Variants in OCIAD1 observed in about 807,000 individuals in gnomAD.
The protein encoded by OCIAD1 is OCIA domain containing 1.
OCIAD1 carries 29 observed loss-of-function variants against 38.9 expected under a neutral mutation model. The ratio of observed to expected loss-of-function variants is 0.74; its 90% CI spans 0.55 to 1.02. The LOEUF (loss-of-function observed/expected upper bound fraction) is 1.02. OCIAD1 is among the 50% of genes least tolerant of loss of function. The pLI is 0.00. For missense variants in OCIAD1, 288 were observed against 289.6 expected (o/e 0.99, Z 0.04); for synonymous variants, 110 against 92.0 (o/e 1.20, Z -1.12).
At chr4:48,848,478 CTT>C in intron 5 of OCIAD1, 32 bp downstream of exon 5, 1 of 1,051,878 alleles carries the variant, frequency 9.5e-7, no homozygotes, top group Non-Finnish European at 1.4e-6. Flanking sequence ...GTTTTCATAG[CTT>C]TTTAAAACTT....
chr4:48,848,874 T>C (rs1458080578), intron 5 of OCIAD1, among the ~76,000 whole-genome samples: 1 of 152,158 alleles, frequency 6.6e-6, no homozygotes, highest in Non-Finnish European at 1.5e-5. Context: ...CATTGCAATA[T>C]AGTTAATAGA....
At chr4:48,851,484 T>TG (rs1779459104) in intron 6 of OCIAD1, among the ~76,000 whole-genome samples, 1 of 152,078 alleles carries the variant, frequency 6.6e-6, no homozygotes, top group African/African-American at 2.4e-5. Flanking sequence ...GCCCAGTAGT[T>TG]TGAGACCAGC....
chr4:48,830,572 T>G (rs1370406039), upstream of OCIAD1: 1 of 152,208 alleles, frequency 6.6e-6, no homozygotes, highest in African/African-American at 2.4e-5. Flanking sequence ...AATTCCACTT[T>G]TCAGGTGAGA....
Position 48,851,808 on chromosome 4 carries a change from A to C in OCIAD1, c.380A>C (p.His127Pro). ...TACAATATGATTTTCATTTACAGGCACTATTATCAAAAGTCAAAATATGAC... is the reference window on the plus strand; with the variant it reads ...TACAATATGATTTTCATTTACAGGCCCTATTATCAAAAGTCAAAATATGAC... ...GQARRSSPPG[H>P]YYQKSKYDSS... Residue 127 changes from histidine (H) to proline (P), a missense_variant and splice_region_variant, in exon 7 of 9, where the codon CAC (histidine) becomes CCC (proline). Coordinates refer to ENST00000264312, the MANE Select transcript of OCIAD1 (RefSeq NM_017830.4). The C allele has an allele frequency of 6.3e-7, 1 of 1,579,806 alleles. No individual in the cohort carries two copies. The highest frequency in any genetic ancestry group is 8.7e-7 in the Non-Finnish European group (1 of 1,149,530).
chr4:48,845,151 A>C (rs1473746505), intron 4 of OCIAD1, among the ~76,000 whole-genome samples: 2 of 152,162 alleles, frequency 1.3e-5, no homozygotes, highest in Non-Finnish European at 2.9e-5. Flanking sequence ...GAACATTAAA[A>C]AGAAAAAAAA....
At chr4:48,856,810 C>A (rs1780081722) in intron 7 of OCIAD1, 2 of 152,350 alleles carry the variant, frequency 1.3e-5, no homozygotes, top group Non-Finnish European at 2.9e-5. Flanking sequence ...AAAATCTATG[C>A]TATGTCAAGT....
intron 1 of OCIAD1, among the ~76,000 whole-genome samples, chr4:48,809,945 C>T (rs1391881637): frequency 6.6e-6 from 1 of 152,130 alleles, no homozygotes. Flanking sequence ...GATTTGAATC[C>T]TAGTATCACT....
intron 1 of OCIAD1, among the ~76,000 whole-genome samples, chr4:48,831,929 G>A (rs542343779): frequency 6.6e-6 from 1 of 152,218 alleles, no homozygotes; most frequent in African/African-American, 2.4e-5. Flanking sequence ...TAAACGTTCT[G>A]TAAAATACGG....
chr4:48,811,000 C>A (rs1432199856), intron 1 of OCIAD1, among the ~76,000 whole-genome samples: 2 of 150,534 alleles, frequency 1.3e-5, no homozygotes. Flanking sequence ...GGACCACAGG[C>A]ACACACTACC....
At chr4:48,831,676 G>T in intron 1 of OCIAD1, 1 of 681,240 alleles carries the variant, frequency 1.5e-6, no homozygotes, top group Non-Finnish European at 2.3e-6. Context: ...GAAATAAGAG[G>T]GTTTCATTTT....
chr4:48,823,392 G>A (rs191975213), intron 1 of OCIAD1, among the ~76,000 whole-genome samples: 2 of 151,760 alleles, frequency 1.3e-5, no homozygotes, highest in East Asian at 1.9e-4. Flanking sequence ...ACCTGTTGGT[G>A]GGGGGGTAGG....
rs145703928 is a variant in OCIAD1 at position 48,842,653 on chromosome 4, A to C, written c.157A>C (p.Thr53Pro). 5 of 1,576,724 alleles carry C rather than the reference A, an allele frequency of 3.2e-6. No individual in the cohort carries two copies. The African/African-American group carries it at 6.9e-5, about 22-fold the overall frequency. Residue 53 changes from threonine (T) to proline (P), a missense_variant, in exon 4 of 9, where the codon ACA becomes CCA. Thr to Pro is a conservative substitution (Grantham distance 38, BLOSUM62 -1). Transcript: ENST00000264312. ...FWFRSVPLAA[T>P]SMLITQGLIS... is the part of the protein sequence containing the mutation. ...TCCTATAGCTGTGCCTTTGGCTGCAACAAGTATGTTGATTACTCAAGGATT... is the reference window on the plus strand; with the variant it reads ...TCCTATAGCTGTGCCTTTGGCTGCACCAAGTATGTTGATTACTCAAGGATT...
At chr4:48,806,513 A>C (rs1777026343) in intron 1 of OCIAD1, among the ~76,000 whole-genome samples, 1 of 152,206 alleles carries the variant, frequency 6.6e-6, no homozygotes, top group African/African-American at 2.4e-5. Context: ...GATTTTTAAA[A>C]TTAGACCACA....
At chr4:48,845,292 G>A (rs1010078943) in intron 4 of OCIAD1, among the ~76,000 whole-genome samples, 1 of 152,162 alleles carries the variant, frequency 6.6e-6, no homozygotes, top group African/African-American at 2.4e-5. Flanking sequence ...CTATCCATAT[G>A]TTCTACCATT....
At chr4:48,845,475 C>G (rs1489236344) in intron 4 of OCIAD1, among the ~76,000 whole-genome samples, 1 of 152,138 alleles carries the variant, frequency 6.6e-6, no homozygotes, top group Non-Finnish European at 1.5e-5. Context: ...GATTTTTCTC[C>G]TACCTCAGGC....
chr4:48,855,870 T>G (rs764152778), intron 7 of OCIAD1: 13 of 152,116 alleles, frequency 8.5e-5, no homozygotes, highest in Admixed American at 5.9e-4. Context: ...ATAGTTATGT[T>G]GCTTAGAAAA....
At chr4:48,857,129 T>C in intron 7 of OCIAD1, 84 bp from the exon 8 acceptor site, 2 of 729,992 alleles carry the variant, frequency 2.7e-6, no homozygotes, top group Non-Finnish European at 4.1e-6. Flanking sequence ...GTAGCTCCTT[T>C]TGTAAGGAGC....
intron 1 of OCIAD1, among the ~76,000 whole-genome samples, chr4:48,821,619 ATG>A (rs1463480054): frequency 3.3e-5 from 5 of 152,230 alleles, no homozygotes; most frequent in Admixed American, 6.5e-5. Context: ...CTGTTTGCAG[ATG>A]ACATAGTTGT....
intron 1 of OCIAD1, among the ~76,000 whole-genome samples, chr4:48,805,782 A>G (rs538932907): frequency 3.3e-5 from 5 of 152,012 alleles, no homozygotes; most frequent in Non-Finnish European, 5.9e-5. Context: ...TAGAAAAAAA[A>G]TTTTTTAATG....
Sources: allele counts gnomAD v4.1 joint callset (sites outside exome capture counted in the v4.1 genomes callset), GRCh38; gene constraint gnomAD v4.1.1; transcripts MANE v1.5; gene names NCBI Gene and HGNC (gene_info 2026-07-23, HGNC 2026-07-21).